R3HCC1L: variants seen among roughly 807,000 people sequenced by gnomAD.
R3HCC1L encodes the protein coiled-coil domain-containing protein R3HCC1L.
A neutral mutation model predicts 59.9 loss-of-function variants in R3HCC1L; 51 were observed. The observed-to-expected ratio is 0.85, with a 90% CI of 0.68 to 1.07. R3HCC1L has a LOEUF of 1.07. Among genes scored for constraint, R3HCC1L ranks in the 50% least tolerant of loss-of-function variants. R3HCC1L has a pLI of 0.00. For missense variants in R3HCC1L, 965 were observed against 933.0 expected (o/e 1.03, Z -0.45); for synonymous variants, 322 against 315.2 (o/e 1.02, Z -0.23).
intron 4 of R3HCC1L, among the ~76,000 whole-genome samples, chr10:98,187,015 C>T (rs1369425869): frequency 6.6e-6 from 1 of 151,944 alleles, no homozygotes; most frequent in African/African-American, 2.4e-5. Flanking sequence ...ATTATATACA[C>T]CTTGAAGAGT....
intron 4 of R3HCC1L, among the ~76,000 whole-genome samples, chr10:98,188,135 C>A (rs1385015068): frequency 3.3e-5 from 5 of 152,124 alleles, no homozygotes; most frequent in African/African-American, 1.2e-4. Flanking sequence ...TGAATTGATA[C>A]TGCTTTGTGC....
intron 5 of R3HCC1L, among the ~76,000 whole-genome samples, chr10:98,230,148 A>T (rs1856196727): frequency 6.6e-6 from 1 of 152,176 alleles, no homozygotes; most frequent in South Asian, 2.1e-4. Flanking sequence ...ATAGTTTCAG[A>T]AGGAATGGTA....
At chr10:98,243,673 A>G (rs550826100) in intron 9 of R3HCC1L, among the ~76,000 whole-genome samples, 12 of 152,246 alleles carry the variant, frequency 7.9e-5, no homozygotes, top group Non-Finnish European at 1.6e-4. Flanking sequence ...CATTTAAGCA[A>G]CAAAATAGAA....
chr10:98,219,098 G>C (rs1053278584), intron 5 of R3HCC1L, among the ~76,000 whole-genome samples: 5 of 152,174 alleles, frequency 3.3e-5, no homozygotes, highest in African/African-American at 1.2e-4. Flanking sequence ...TTTTAGTAGA[G>C]ACAGGGTTTC....
chr10:98,151,237 T>G (rs1392607706), intron 1 of R3HCC1L, among the ~76,000 whole-genome samples: 1 of 152,216 alleles, frequency 6.6e-6, no homozygotes, highest in Non-Finnish European at 1.5e-5. Context: ...TGTGTGATAG[T>G]ACTTTGGAAG....
At chr10:98,233,688 C>T (rs1179753971) in intron 6 of R3HCC1L, among the ~76,000 whole-genome samples, 1 of 152,154 alleles carries the variant, frequency 6.6e-6, no homozygotes, top group Non-Finnish European at 1.5e-5. Context: ...TCCTGACATT[C>T]CTTGTGCTCA....
At chr10:98,152,624 G>C (rs1285155763) in intron 1 of R3HCC1L, among the ~76,000 whole-genome samples, 2 of 126,524 alleles carry the variant, frequency 1.6e-5, no homozygotes, top group African/African-American at 2.6e-5. Context: ...GAGATGCGGG[G>C]AGCGCCTCTG....
chr10:98,214,142 A>T (rs184798524), intron 5 of R3HCC1L, among the ~76,000 whole-genome samples: 1 of 152,192 alleles, frequency 6.6e-6, no homozygotes, highest in African/African-American at 2.4e-5. Flanking sequence ...TTTTCCTCAG[A>T]ATCAGTATAG....
intron 5 of R3HCC1L, among the ~76,000 whole-genome samples, chr10:98,220,300 T>C (rs1225830927): frequency 6.6e-6 from 1 of 152,108 alleles, no homozygotes; most frequent in Non-Finnish European, 1.5e-5. Flanking sequence ...TTATCTGTGT[T>C]TTCTTGTATC....
intron 9 of R3HCC1L, among the ~76,000 whole-genome samples, chr10:98,243,495 T>G (rs1053169139): frequency 2.0e-5 from 3 of 152,254 alleles, no homozygotes; most frequent in Admixed American, 6.5e-5. Context: ...TTGTATATTT[T>G]TTGTTTTTAG....
At chr10:98,167,579 A>G (rs939396085) in intron 4 of R3HCC1L, among the ~76,000 whole-genome samples, 1 of 152,260 alleles carries the variant, frequency 6.6e-6, no homozygotes, top group Non-Finnish European at 1.5e-5. Context: ...GCTTTGCTAC[A>G]ATGAACCTTT....
chr10:98,198,805 G>A (rs888674673), intron 4 of R3HCC1L, among the ~76,000 whole-genome samples: 2 of 152,122 alleles, frequency 1.3e-5, no homozygotes, highest in African/African-American at 4.8e-5. Flanking sequence ...AAGGAGAAAA[G>A]CAGATTATAT....
At chr10:98,177,059 C>G (rs1367638030) in intron 4 of R3HCC1L, among the ~76,000 whole-genome samples, 1 of 151,856 alleles carries the variant, frequency 6.6e-6, no homozygotes, top group Non-Finnish European at 1.5e-5. Flanking sequence ...ACTTTAAGTT[C>G]TAGGGTACAT....
At chr10:98,145,320 G>GA (rs1294817800) in intron 1 of R3HCC1L, among the ~76,000 whole-genome samples, 2 of 152,214 alleles carry the variant, frequency 1.3e-5, no homozygotes, top group African/African-American at 4.8e-5. Flanking sequence ...TGTGGAAGAA[G>GA]AAGAGTAAGA....
At chr10:98,152,638 C>A (rs1202049265) in intron 1 of R3HCC1L, among the ~76,000 whole-genome samples, 2 of 121,034 alleles carry the variant, frequency 1.7e-5, no homozygotes, top group Non-Finnish European at 3.7e-5. Context: ...GCCTCTGCCC[C>A]GCCACCCCGT....
chr10:98,214,508 A>T (rs1452062265), intron 5 of R3HCC1L, among the ~76,000 whole-genome samples: 1 of 152,204 alleles, frequency 6.6e-6, no homozygotes, highest in Non-Finnish European at 1.5e-5. Context: ...AGAATTGATT[A>T]TATGGGTTAA....
intron 5 of R3HCC1L, among the ~76,000 whole-genome samples, chr10:98,225,004 A>C (rs1477258527): frequency 6.6e-6 from 1 of 152,264 alleles, no homozygotes; most frequent in Non-Finnish European, 1.5e-5. Context: ...ATTTTAACCT[A>C]ATATGTTCAA....
At chr10:98,195,459 T>TA (rs1417537594) in intron 4 of R3HCC1L, among the ~76,000 whole-genome samples, 32 of 151,742 alleles carry the variant, frequency 2.1e-4, no homozygotes, top group Admixed American at 1.2e-3. Flanking sequence ...TTTTTTTTTT[T>TA]ACTACAGAAA....
intron 4 of R3HCC1L, among the ~76,000 whole-genome samples, chr10:98,173,112 T>C (rs1178418328): frequency 6.6e-6 from 1 of 152,188 alleles, no homozygotes; most frequent in Non-Finnish European, 1.5e-5. Flanking sequence ...CTTCTCTCTT[T>C]GGTGGTGCTA....
Sources: allele counts gnomAD v4.1 joint callset (sites outside exome capture counted in the v4.1 genomes callset), GRCh38; gene constraint gnomAD v4.1.1; transcripts MANE v1.5; gene names NCBI Gene and HGNC (gene_info 2026-07-23, HGNC 2026-07-21).